The following LACTB variants were observed in gnomAD, a reference collection of about 807,000 sequenced individuals.
LACTB encodes serine beta-lactamase-like protein LACTB, mitochondrial.
A neutral mutation model predicts 50.2 loss-of-function variants in LACTB; 35 were observed. The ratio of observed to expected loss-of-function variants is 0.70; its 90% CI spans 0.53 to 0.92. LACTB has a LOEUF of 0.92. Ranked by LOEUF, LACTB falls within the 40% of genes least tolerant of loss-of-function variation. The pLI, the probability that LACTB is intolerant of heterozygous loss-of-function variation, is 0.00. For synonymous variants in LACTB, 252 were observed against 268.2 expected (o/e 0.94, Z 0.59); for missense variants, 664 against 691.8 (o/e 0.96, Z 0.45).
intron 5 of LACTB, among the ~76,000 whole-genome samples, chr15:63,135,227 C>T (rs1301414960): frequency 2.6e-5 from 4 of 152,010 alleles, no homozygotes; most frequent in Non-Finnish European, 5.9e-5. Context: ...TTTGTTCAAT[C>T]TTCTGTTGTA....
At chr15:63,123,823 A>C (rs1031187072) in intron 2 of LACTB, among the ~76,000 whole-genome samples, 1 of 152,230 alleles carries the variant, frequency 6.6e-6, no homozygotes, top group African/African-American at 2.4e-5. Flanking sequence ...GCTATCTAGA[A>C]GGCAGAGCCA....
intron 5 of LACTB, among the ~76,000 whole-genome samples, chr15:63,136,447 T>C (rs1240111797): frequency 6.6e-6 from 1 of 152,198 alleles, no homozygotes; most frequent in Non-Finnish European, 1.5e-5. Flanking sequence ...TTTTAATTTT[T>C]GGTAGTTCTC....
At position 63,141,623 on chromosome 15, in the gene LACTB, G is replaced by A; in HGVS notation, c.1462G>A (p.Gly488Arg). The A allele has an allele frequency of 6.2e-7, 1 of 1,614,188 alleles. No individual in the cohort carries two copies. Among genetic ancestry groups the A allele is most frequent in the African/African-American group, 1.3e-5 (1 of 75,042 alleles). ...ACGGCATTATGCTTCACATACTGGAGGGGCAGTGGGTGCCAGTAGTGTCCT... is the reference window on the plus strand; with the variant it reads ...ACGGCATTATGCTTCACATACTGGAAGGGCAGTGGGTGCCAGTAGTGTCCT... ...KQRHYASHTGGAVGASSVLLV... is the reference protein window; with the variant it reads ...KQRHYASHTGRAVGASSVLLV... The change falls in exon 6 of 6, where the codon GGG (glycine) becomes AGG (arginine). Residue 488 changes from glycine to arginine, a missense_variant. By Grantham distance (125) the Gly-to-Arg change is moderately radical. Coordinates refer to ENST00000261893, the MANE Select transcript of LACTB (RefSeq NM_032857.5).
intron 2 of LACTB, 80 bp from the exon 3 acceptor site, chr15:63,126,779 G>A (rs759343672): frequency 8.9e-6 from 7 of 785,130 alleles, no homozygotes; most frequent in Non-Finnish European, 1.4e-5. Flanking sequence ...CATGTTTAAA[G>A]ATAGTATTAT....
At chr15:63,138,747 G>A (rs1472826963) in intron 5 of LACTB, among the ~76,000 whole-genome samples, 3 of 151,884 alleles carry the variant, frequency 2.0e-5, no homozygotes, top group Non-Finnish European at 4.4e-5. Flanking sequence ...ACTGTTAAAA[G>A]GAAGTTACAG....
At chr15:63,122,724 T>G in intron 2 of LACTB, 22 bp downstream of exon 2, 1 of 1,554,586 alleles carries the variant, frequency 6.4e-7, no homozygotes, top group Non-Finnish European at 8.9e-7. Flanking sequence ...AAATTGTTGT[T>G]TTGTTCTGTG....
intron 2 of LACTB, among the ~76,000 whole-genome samples, chr15:63,125,524 C>T (rs1199197186): frequency 6.6e-6 from 1 of 152,066 alleles, no homozygotes; most frequent in Non-Finnish European, 1.5e-5. Flanking sequence ...ATAATCTAAT[C>T]ATTATACCTA....
At position 63,141,706 on chromosome 15, in the gene LACTB, A is replaced by G. The variant is rs1005841820; in HGVS notation, c.1545A>G (p.Arg515=). ...CTATAAATAACAAGGTTCCCCCAAGAGGAATCATTGTTTCTATCATATGTA... is the reference window on the plus strand; with the variant it reads ...CTATAAATAACAAGGTTCCCCCAAGGGGAATCATTGTTTCTATCATATGTA... ...TETINNKVPP[R]GIIVSIICNM... is the part of the protein sequence containing the mutation. The change falls in exon 6 of 6, where the codon AGA becomes AGG. Residue 515 remains arginine (R), a synonymous_variant. Coordinates refer to ENST00000261893, the MANE Select transcript of LACTB (RefSeq NM_032857.5). 7.4e-6 allele frequency: 12 copies of G among 1,614,036 alleles called. No homozygotes were observed. Among genetic ancestry groups the G allele is most frequent in the Admixed American group, 1.7e-5 (1 of 60,010 alleles).
chr15:63,122,443 C>G lies in LACTB; in HGVS notation c.358-193C>G, dbSNP rs1328573676. On this transcript the variant is annotated intron_variant, in intron 1 of 5. Transcript: ENST00000261893. ...TCACCGCCTGTCTCGGGGACCGCCC[C>G]TTCCCCCTAGGGGGCGGACAGGCAC... The G allele has an allele frequency of 1.2e-5, 8 of 685,250 alleles. No individual in the cohort carries two copies. The South Asian group carries it at 1.3e-4, about 11-fold the overall frequency. The allele number at this position is 685,250 out of a possible 1,614,324, so 42.4% of individuals were successfully genotyped here.
At position 63,121,917 on chromosome 15, in the gene LACTB, G is replaced by A. The variant is rs34925488; in HGVS notation, c.46G>A (p.Gly16Arg). ...SAVTARAAAP[G>R]GLASSCGRRG... is the part of the protein sequence containing the mutation. Reference sequence around the variant, plus strand: ...AGTGACTGCCCGGGCTGCCGCCCCCGGGGGCTTGGCCTCAAGCTGCGGACG... The same window carrying A: ...AGTGACTGCCCGGGCTGCCGCCCCCAGGGGCTTGGCCTCAAGCTGCGGACG... The change falls in exon 1 of 6, where the codon GGG becomes AGG. Residue 16 changes from glycine (G) to arginine (R), a missense_variant. Coordinates refer to ENST00000261893, the MANE Select transcript of LACTB (RefSeq NM_032857.5). 3.6e-3 allele frequency: 5,048 copies of A among 1,419,246 alleles called. 130 individuals carry two copies. In the African/African-American group the frequency reaches 0.06, roughly 17 times the overall value. 87.9% of individuals were successfully genotyped at this position (1,419,246 alleles called of 1,614,324 possible).
At chr15:63,133,938 CTT>C (rs1177498870) in intron 5 of LACTB, among the ~76,000 whole-genome samples, 3 of 152,094 alleles carry the variant, frequency 2.0e-5, no homozygotes, top group Non-Finnish European at 4.4e-5. Flanking sequence ...TACTTGGTAA[CTT>C]TTCAAAAATA....
intron 5 of LACTB, among the ~76,000 whole-genome samples, chr15:63,135,597 G>C (rs1126311): frequency 1.3e-5 from 2 of 152,146 alleles, no homozygotes; most frequent in Non-Finnish European, 2.9e-5. Context: ...GCATGCGCCT[G>C]TAGTCCCAGC....
chr15:63,140,199 A>T lies in LACTB; in HGVS notation c.1119-1081A>T, dbSNP rs80010709. ...TTTTATTTGGTTGGCTGGAATTACA[A>T]ATATAATCAGGAGTTGACACAAAGT... On this transcript the variant is annotated intron_variant, in intron 5 of 5. Transcript: ENST00000261893. 2.1e-3 allele frequency among the ~76,000 whole-genome samples: 321 copies of T among 152,320 alleles called. 2 individuals carry two copies. Among genetic ancestry groups the T allele is most frequent in the African/African-American group, 6.4e-3 (266 of 41,572 alleles).
rs1341412865 is a variant in LACTB at position 63,126,908 on chromosome 15, A to G, written c.474A>G (p.Thr158=). ...VENRVPCKPE[T]VMRIASISKS... ...ACCGTGTACCATGTAAACCAGAGAC[A>G]GTTATGCGAATTGCTAGCATCAGCA... The change falls in exon 3 of 6, where the codon ACA becomes ACG. Residue 158 remains threonine (T), a synonymous_variant. Coordinates refer to ENST00000261893, the MANE Select transcript of LACTB (RefSeq NM_032857.5). 1 of 1,613,136 alleles carries G rather than the reference A, an allele frequency of 6.2e-7. No individual in the cohort carries two copies. Among genetic ancestry groups the G allele is most frequent in the African/African-American group, 1.3e-5 (1 of 74,918 alleles).
At chr15:63,139,192 TCCAAA>T (rs1472785762) in intron 5 of LACTB, among the ~76,000 whole-genome samples, 4,055 of 125,794 alleles carry the variant, frequency 0.032, 193 homozygotes, top group African/African-American at 0.11. Context: ...CTACTAAAAA[TCCAAA>T]AAAAAAAAAA....
At chr15:63,122,548 G>A (rs1054849045) in intron 1 of LACTB, 88 bp from the exon 2 acceptor site, 1 of 1,065,418 alleles carries the variant, frequency 9.4e-7, no homozygotes. Flanking sequence ...CCCAGGCTCA[G>A]GGGGCGGGGC....
intron 5 of LACTB, among the ~76,000 whole-genome samples, chr15:63,138,791 G>A (rs1371091771): frequency 1.3e-5 from 2 of 152,112 alleles, no homozygotes; most frequent in Non-Finnish European, 2.9e-5. Context: ...TGTAATCCTA[G>A]CACTTTGGGA....
chr15:63,128,522 G>A (rs1273613177), intron 4 of LACTB, among the ~76,000 whole-genome samples: 1 of 152,118 alleles, frequency 6.6e-6, no homozygotes, highest in Non-Finnish European at 1.5e-5. Context: ...GGATCCCTGA[G>A]CCCAGGAGTT....
Position 63,127,667 on chromosome 15 carries a change from T to C in LACTB, c.930T>C (p.Asn310=). The C allele has an allele frequency of 6.3e-7, 1 of 1,595,048 alleles. No homozygotes were observed. The highest frequency in any genetic ancestry group is 1.1e-5 in the South Asian group (1 of 89,186). The stretch of plus-strand genomic sequence containing the variant: ...TTGAATCCCTAAGATTATTTAAAAA[T>C]GATCCTTTGTTCTTCAAACCTGGTG... The part of the protein sequence containing the change: ...NSIESLRLFK[N]DPLFFKPGSQ... Residue 310 remains asparagine, a synonymous_variant, in exon 4 of 6, where the codon AAT becomes AAC. Coordinates refer to ENST00000261893, the MANE Select transcript of LACTB (RefSeq NM_032857.5).
Sources: gnomAD v4.1 joint callset for allele counts (sites outside exome capture counted in the v4.1 genomes callset) on GRCh38, gnomAD v4.1.1 for gene constraint, MANE v1.5 for transcripts, NCBI Gene and HGNC (gene_info 2026-07-23, HGNC 2026-07-21) for gene names.